TM9SF3: variants seen among roughly 807,000 people sequenced by gnomAD.
TM9SF3 encodes SM-11044-binding protein.
In TM9SF3, 14 loss-of-function variants were observed where a neutral mutation model predicts 78.6. The observed-to-expected ratio is 0.18, with a 90% confidence interval of 0.12 to 0.28. The LOEUF (loss-of-function observed/expected upper bound fraction) is 0.28. Among genes scored for constraint, TM9SF3 ranks in the 10% least tolerant of loss-of-function variants. TM9SF3 has a pLI of 1.00. For synonymous variants in TM9SF3, 231 were observed against 241.7 expected (o/e 0.96, Z 0.41); for missense variants, 496 against 721.9 (o/e 0.69, Z 3.59).
At position 96,525,971 on chromosome 10, in the gene TM9SF3, A is replaced by C. The variant is rs936917908; in HGVS notation, c.1702+1242T>G. On this transcript the variant is annotated intron_variant, in intron 14 of 14. Coordinates refer to ENST00000371142, the MANE Select transcript of TM9SF3 (RefSeq NM_020123.4). The stretch of plus-strand genomic sequence containing the variant: ...AGAGACTGTGCAGAAACACAGACAC[A>C]ATTCCAGAGCAGAAGGAAGCCCAAG... Among the ~76,000 whole-genome samples the C allele has an allele frequency of 5.9e-5, 9 of 152,242 alleles. No homozygotes were observed. The East Asian group carries it at 1.5e-3, about 26-fold the overall frequency.
In TM9SF3 at chr10:96,527,509, G is replaced by C; in HGVS notation, c.1542-13C>G. 1 of 1,591,520 alleles carries C rather than the reference G, an allele frequency of 6.3e-7. No homozygotes were observed. Among genetic ancestry groups the C allele is most frequent in the Middle Eastern group, 1.7e-4 (1 of 5,970 alleles). On this transcript the variant is annotated splice_polypyrimidine_tract_variant and intron_variant, in intron 12 of 14. Coordinates refer to ENST00000371142, the MANE Select transcript of TM9SF3 (RefSeq NM_020123.4). ...ACTTGTCCATTGCCTGGTGGGGGGA[G>C]GGGGAAAGAAGATAAATCTCTTTTG... is the stretch of plus-strand genomic sequence containing the variant.
intron 14 of TM9SF3, 44 bp downstream of exon 14, chr10:96,527,169 A>G (rs1243413714): frequency 1.3e-6 from 2 of 1,523,274 alleles, no homozygotes; most frequent in East Asian, 2.3e-5. Flanking sequence ...GGATTTAGAG[A>G]AACTCAGATT....
At chr10:96,550,823 A>G (rs1331789082) in intron 7 of TM9SF3, among the ~76,000 whole-genome samples, 2 of 152,064 alleles carry the variant, frequency 1.3e-5, no homozygotes, top group African/African-American at 2.4e-5. Context: ...TATTATTTAC[A>G]ATGTTTTCTT....
At chr10:96,575,642 A>G (rs947561755) in intron 2 of TM9SF3, among the ~76,000 whole-genome samples, 1 of 152,126 alleles carries the variant, frequency 6.6e-6, no homozygotes, top group Non-Finnish European at 1.5e-5. Flanking sequence ...TACTAAAAAT[A>G]CCAGAAGTCA....
At position 96,573,992 on chromosome 10, in the gene TM9SF3, T is replaced by C. The variant is rs149987144; in HGVS notation, c.298+2642A>G. Among the ~76,000 whole-genome samples the C allele has an allele frequency of 8.4e-3, 1,285 of 152,228 alleles. 5 individuals carry two copies. Among genetic ancestry groups the C allele is most frequent in the Non-Finnish European group, 0.013 (853 of 68,016 alleles). ...AAATCCTAGAAGAAAACCTAGGCAA[T>C]ACCATTAAGGACATAGGCATGGGCA... On this transcript the variant is annotated intron_variant, in intron 2 of 14. Coordinates refer to ENST00000371142, the MANE Select transcript of TM9SF3 (RefSeq NM_020123.4).
chr10:96,535,689 A>C (rs1014649935), intron 9 of TM9SF3, among the ~76,000 whole-genome samples: 1 of 152,166 alleles, frequency 6.6e-6, no homozygotes, highest in African/African-American at 2.4e-5. Flanking sequence ...GAAAGCAGGC[A>C]GTGGGGAGAA....
intron 1 of TM9SF3, among the ~76,000 whole-genome samples, chr10:96,584,788 G>A (rs1273755353): frequency 6.6e-6 from 1 of 152,196 alleles, no homozygotes; most frequent in Non-Finnish European, 1.5e-5. Context: ...TCCAGCCTGG[G>A]CAACAGAGTG....
intron 1 of TM9SF3, among the ~76,000 whole-genome samples, chr10:96,580,576 T>C (rs1848555903): frequency 6.6e-6 from 1 of 152,162 alleles, no homozygotes; most frequent in Admixed American, 6.5e-5. Flanking sequence ...CCACTTCATC[T>C]TCTTTCGTCA....
At chr10:96,578,138 A>G (rs1848518997) in intron 1 of TM9SF3, among the ~76,000 whole-genome samples, 1 of 152,148 alleles carries the variant, frequency 6.6e-6, no homozygotes, top group African/African-American at 2.4e-5. Context: ...TCACACGATT[A>G]TCACCCTAAG....
chr10:96,558,216 T>C (rs1322319634), intron 5 of TM9SF3, among the ~76,000 whole-genome samples: 1 of 152,204 alleles, frequency 6.6e-6, no homozygotes, highest in East Asian at 1.9e-4. Flanking sequence ...CTTGAAATTA[T>C]CTGTGTCCAT....
rs1055270535 is a variant in TM9SF3, at chr10:96,557,561, C to T, written c.660+2098G>A. On this transcript the variant is annotated intron_variant, in intron 5 of 14. Transcript: ENST00000371142. ...AAAACACTACAGTGCTCCCCTGCCC[C>T]CTTTGCATTTAAGAGTAAAATCTGC... 1.6e-4 allele frequency among the ~76,000 whole-genome samples: 20 copies of T among 121,322 alleles called. 1 individual carries two copies. Among genetic ancestry groups the T allele is most frequent in the Non-Finnish European group, 3.3e-4 (19 of 57,142 alleles). 79.6% of individuals were successfully genotyped at this position (121,322 alleles called of 152,430 possible).
chr10:96,544,238 A>G lies in TM9SF3; in HGVS notation c.1055-32T>C, dbSNP rs1848071570. 3.3e-6 allele frequency: 5 copies of G among 1,517,074 alleles called. No individual in the cohort carries two copies. In the South Asian group the frequency reaches 3.9e-5, roughly 12 times the overall value. 94.0% of individuals were successfully genotyped at this position (1,517,074 alleles called of 1,614,324 possible). A position where few individuals can be genotyped will look rare whatever the true frequency, so the allele number is the denominator to read the frequency against. On this transcript the variant is annotated intron_variant, in intron 8 of 14. Transcript: ENST00000371142. ...AGAAAGGAAACTATGAAAGTTTAAT[A>G]TAATTATTTAGTACGAAATTATTTG...
At chr10:96,548,784 CA>C (rs1469877966) in intron 7 of TM9SF3, among the ~76,000 whole-genome samples, 1 of 90,960 alleles carries the variant, frequency 1.1e-5, no homozygotes, top group Non-Finnish European at 2.0e-5. Flanking sequence ...GATGTCAAAG[CA>C]AGACTCCATC....
At chr10:96,541,544 C>T (rs1848032509) in intron 9 of TM9SF3, among the ~76,000 whole-genome samples, 1 of 152,118 alleles carries the variant, frequency 6.6e-6, no homozygotes, top group Non-Finnish European at 1.5e-5. Context: ...CTACCATGCC[C>T]AGCTAATTTT....
Position 96,528,070 on chromosome 10 carries a change from A to G in TM9SF3, c.1502T>C (p.Val501Ala). The change falls in exon 12 of 15, where the codon GTG becomes GCG. Residue 501 changes from valine to alanine, a missense_variant. Around this residue, in one of 4 missense-constraint regions of TM9SF3, gnomAD observed 280 missense variants for 422.6 expected, o/e 0.66. Transcript: ENST00000371142. ...TGCATTTAGTAGAAAATATGTGCAC[A>G]CAATAGTCACACAGACAGTCACAAT... ...LCIVTVCVTI[V>A]CTYFLLNAED... 1 of 1,612,864 alleles carries G rather than the reference A, an allele frequency of 6.2e-7. No homozygotes were observed. Among genetic ancestry groups the G allele is most frequent in the Non-Finnish European group, 8.5e-7 (1 of 1,179,070 alleles).
At chr10:96,569,932 T>G (rs1259743071) in intron 2 of TM9SF3, among the ~76,000 whole-genome samples, 1 of 152,136 alleles carries the variant, frequency 6.6e-6, no homozygotes, top group Non-Finnish European at 1.5e-5. Context: ...CCTGGGAGGC[T>G]GAGGCAGGAG....
chr10:96,574,865 T>A (rs771672158), intron 2 of TM9SF3, among the ~76,000 whole-genome samples: 3 of 152,170 alleles, frequency 2.0e-5, no homozygotes, highest in South Asian at 4.2e-4. Flanking sequence ...TAAGTGGGAA[T>A]TGAACAATGA....
chr10:96,551,173 C>CT, intron 7 of TM9SF3, 72 bp downstream of exon 7: 1 of 1,250,252 alleles, frequency 8.0e-7, no homozygotes, highest in Non-Finnish European at 1.1e-6. Context: ...TTATGATTGA[C>CT]TTAAAAGATT....
Position 96,518,509 on chromosome 10 carries a change from T to A in TM9SF3, c.*3754A>T, listed in dbSNP as rs528094513. The A allele has an allele frequency of 6.6e-6, 1 of 152,312 alleles. No homozygotes were observed. Among genetic ancestry groups the A allele is most frequent in the Non-Finnish European group, 1.5e-5 (1 of 67,998 alleles). The allele number at this position is 152,312 out of a possible 1,614,324, so 9.4% of individuals were successfully genotyped here. On this transcript the variant is annotated 3_prime_UTR_variant, in exon 15 of 15. Coordinates refer to ENST00000371142, the MANE Select transcript of TM9SF3 (RefSeq NM_020123.4). ...AAACACAAACTGCTGCAGTTATCAA[T>A]TAGCAAGCCTAGTTCACCAATACTT...
Sources: allele counts gnomAD v4.1 joint callset (sites outside exome capture counted in the v4.1 genomes callset), GRCh38; gene constraint gnomAD v4.1.1; regional missense constraint gnomAD v4.1.1; transcripts MANE v1.5; gene names NCBI Gene and HGNC (gene_info 2026-07-23, HGNC 2026-07-21).